The following HTR2C variants were observed in gnomAD, a reference collection of about 807,000 sequenced individuals.
The protein encoded by HTR2C is 5-hydroxytryptamine receptor 2C.
A neutral mutation model predicts 21.0 loss-of-function variants in HTR2C; 5 were observed. The observed-to-expected ratio is 0.24, with a 90% CI of 0.12 to 0.50. HTR2C has a LOEUF of 0.50. Among genes scored for constraint, HTR2C ranks in the 20% least tolerant of loss-of-function variants. The pLI, the probability that HTR2C is intolerant of heterozygous loss-of-function variation, is 0.98. For missense variants in HTR2C, 271 were observed against 371.2 expected (o/e 0.73, Z 2.22); for synonymous variants, 150 against 145.3 (o/e 1.03, Z -0.23).
chrX:114,635,630 T>A (rs1929812446), intron 2 of HTR2C, among the ~76,000 whole-genome samples: 1 of 111,779 alleles, frequency 8.9e-6, no homozygotes, highest in African/African-American at 3.3e-5. Flanking sequence ...CATTCATCAG[T>A]TTTTTTATGA....
chrX:114,765,479 C>A (rs971782018), intron 4 of HTR2C, among the ~76,000 whole-genome samples: 3 of 110,767 alleles, frequency 2.7e-5, no homozygotes, highest in African/African-American at 9.8e-5. Context: ...CATTTTAGGG[C>A]CACAAAAGGC....
At chrX:114,687,552 G>T (rs1335242662) in intron 2 of HTR2C, among the ~76,000 whole-genome samples, 12 of 111,519 alleles carry the variant, frequency 1.1e-4, no homozygotes, top group Admixed American at 3.8e-4. Flanking sequence ...TTGTTATTAA[G>T]ATTAATTAAG....
intron 2 of HTR2C, among the ~76,000 whole-genome samples, chrX:114,654,324 A>G (rs1556408999): frequency 1.9e-5 from 2 of 107,242 alleles, no homozygotes; most frequent in Non-Finnish European, 3.9e-5. Context: ...CATATATATA[A>G]TTTTTTCGCT....
At chrX:114,650,774 G>A (rs186523996) in intron 2 of HTR2C, among the ~76,000 whole-genome samples, 29 of 112,011 alleles carry the variant, frequency 2.6e-4, no homozygotes, top group African/African-American at 9.4e-4. Flanking sequence ...TTCTATTGAA[G>A]TAAGAATAAT....
At chrX:114,834,737 A>G (rs1487280673) in intron 4 of HTR2C, among the ~76,000 whole-genome samples, 1 of 104,579 alleles carries the variant, frequency 9.6e-6, no homozygotes, top group Non-Finnish European at 2.0e-5. Flanking sequence ...TGTGAATTTG[A>G]TCCTGTCATT....
intron 4 of HTR2C, among the ~76,000 whole-genome samples, chrX:114,823,723 G>C (rs141438929): frequency 9.0e-5 from 10 of 111,635 alleles, no homozygotes; most frequent in Non-Finnish European, 1.5e-4. Context: ...GCTCATAAGA[G>C]GCAGTGGGTA....
rs1368547936 is a variant in HTR2C at position 114,764,924 on chromosome X, T to TTTC, written c.349+33319_349+33320insCTT. Among the ~76,000 whole-genome samples the TTTC allele has an allele frequency of 4.7e-3, 113 of 23,905 alleles. No individual in the cohort carries two copies. In the East Asian group the frequency reaches 0.07, roughly 15 times the overall value. The allele number at this position is 23,905 out of a possible 115,157, so 20.8% of individuals were successfully genotyped here. A position where few individuals can be genotyped will look rare whatever the true frequency, so the allele number is the denominator to read the frequency against. The stretch of plus-strand genomic sequence containing the variant: ...CTTTCTTTCTTTCTTTCTTTCTTTC[T>TTTC]TTTCCTTCCTTCCTTCCTTCCTTCC... On this transcript the variant is annotated intron_variant, in intron 4 of 5. Transcript: ENST00000276198.
At chrX:114,738,045 C>A (rs2069608239) in intron 4 of HTR2C, among the ~76,000 whole-genome samples, 1 of 111,761 alleles carries the variant, frequency 8.9e-6, no homozygotes, top group Non-Finnish European at 1.9e-5. Flanking sequence ...CACACAGAAT[C>A]CAATGTCATG....
chrX:114,782,485 C>T (rs1317953280), intron 4 of HTR2C, among the ~76,000 whole-genome samples: 7 of 111,131 alleles, frequency 6.3e-5, no homozygotes, highest in Admixed American at 4.8e-4. Flanking sequence ...GGGAGGCCAA[C>T]GTGGGAGGAA....
intron 2 of HTR2C, among the ~76,000 whole-genome samples, chrX:114,720,510 C>G (rs1354257975): frequency 3.8e-4 from 15 of 39,167 alleles, no homozygotes; most frequent in Non-Finnish European, 8.4e-4. Context: ...GATCATATTT[C>G]TTTTTCTTTT....
chrX:114,889,719 G>C (rs2071245283), intron 5 of HTR2C, among the ~76,000 whole-genome samples: 1 of 111,628 alleles, frequency 9.0e-6, no homozygotes, highest in Non-Finnish European at 1.9e-5. Context: ...AAGGAAATAA[G>C]CCTTTTGTGT....
chrX:114,853,271 G>A (rs1407597106), intron 5 of HTR2C, among the ~76,000 whole-genome samples: 1 of 110,703 alleles, frequency 9.0e-6, no homozygotes, highest in African/African-American at 3.3e-5. Context: ...CTCTTTATAA[G>A]TTATAGACAC....
chrX:114,782,228 G>A (rs2070127227), intron 4 of HTR2C, among the ~76,000 whole-genome samples: 1 of 110,318 alleles, frequency 9.1e-6, no homozygotes, highest in Non-Finnish European at 1.9e-5. Context: ...AAGCATGGGT[G>A]TAAAATAAAT....
intron 5 of HTR2C, among the ~76,000 whole-genome samples, chrX:114,904,902 T>C (rs983837606): frequency 1.2e-4 from 13 of 110,691 alleles, no homozygotes; most frequent in Non-Finnish European, 1.5e-4. Context: ...TTTTTTTTTT[T>C]TTAACTCTTA....
At chrX:114,644,344 AAAATAAATAAAT>A (rs1295592092) in intron 2 of HTR2C, among the ~76,000 whole-genome samples, 2 of 36,175 alleles carry the variant, frequency 5.5e-5, no homozygotes, top group African/African-American at 2.2e-4. Context: ...GACTCCATCT[AAAATAAATAAAT>A]AAATAAATAT....
chrX:114,661,221 G>A (rs1181178541), intron 2 of HTR2C, among the ~76,000 whole-genome samples: 3 of 111,184 alleles, frequency 2.7e-5, no homozygotes, highest in Non-Finnish European at 3.8e-5. Context: ...TTGGGAGGCC[G>A]AGAAGGGTGG....
At position 114,701,689 on chromosome X, in the gene HTR2C, C is replaced by A. The variant is rs781799863; in HGVS notation, c.-79-25169C>A. ...CCAAAGGAACGCAGTTCCTCACCAGCAACGGAACAAAGCTGGACGGAGAAT... is the reference window on the plus strand; with the variant it reads ...CCAAAGGAACGCAGTTCCTCACCAGAAACGGAACAAAGCTGGACGGAGAAT... On this transcript the variant is annotated intron_variant, in intron 2 of 5. Coordinates refer to ENST00000276198, the MANE Select transcript of HTR2C (RefSeq NM_000868.4). Among the ~76,000 whole-genome samples the A allele has an allele frequency of 8.4e-3, 948 of 112,400 alleles. 9 individuals are homozygous for A. Among genetic ancestry groups the A allele is most frequent in the African/African-American group, 0.029 (895 of 30,940 alleles).
intron 5 of HTR2C, among the ~76,000 whole-genome samples, chrX:114,873,414 G>A (rs2071107501): frequency 9.0e-6 from 1 of 110,944 alleles, no homozygotes; most frequent in South Asian, 3.7e-4. Flanking sequence ...ATATCTTACA[G>A]TTTTTAATTG....
At position 114,680,722 on chromosome X, in the gene HTR2C, G is replaced by A. The variant is rs781852414; in HGVS notation, c.-79-46136G>A. 9.9e-5 allele frequency among the ~76,000 whole-genome samples: 11 copies of A among 111,483 alleles called. No homozygotes were observed. The South Asian group carries it at 4.1e-3, about 42-fold the overall frequency. ...CTAAGAAACAGAATGAAGTTTGGAT[G>A]ATCTTCTTGTATCTGCTTTTCTTCA... On this transcript the variant is annotated intron_variant, in intron 2 of 5. Coordinates refer to ENST00000276198, the MANE Select transcript of HTR2C (RefSeq NM_000868.4).
Sources: allele counts gnomAD v4.1 joint callset (sites outside exome capture counted in the v4.1 genomes callset), GRCh38; gene constraint gnomAD v4.1.1; transcripts MANE v1.5; gene names NCBI Gene and HGNC (gene_info 2026-07-23, HGNC 2026-07-21).